Variants in SOX5 observed in about 807,000 individuals in gnomAD.
SOX5 encodes SRY-box transcription factor 5, also known as transcription factor SOX-5.
A neutral mutation model predicts 92.0 loss-of-function variants in SOX5; 9 were observed. That is an observed-to-expected ratio of 0.10 (90% CI 0.06 to 0.17). SOX5 has a LOEUF of 0.17. Ranked by LOEUF, SOX5 falls within the 10% of genes least tolerant of loss-of-function variation. The pLI, the probability that SOX5 is intolerant of heterozygous loss-of-function variation, is 1.00. For missense variants in SOX5, 642 were observed against 944.5 expected (o/e 0.68, Z 4.20); for synonymous variants, 344 against 336.3 (o/e 1.02, Z -0.25).
At chr12:23,628,269 A>C (rs900726219) in intron 8 of SOX5, among the ~76,000 whole-genome samples, 5 of 152,014 alleles carry the variant, frequency 3.3e-5, no homozygotes, top group Non-Finnish European at 5.9e-5. Context: ...AGCCATATGA[A>C]AAATACTTGG....
At chr12:23,905,972 A>G (rs1459682562) in intron 1 of SOX5, among the ~76,000 whole-genome samples, 1 of 152,192 alleles carries the variant, frequency 6.6e-6, no homozygotes, top group East Asian at 1.9e-4. Context: ...CTCTCTAATC[A>G]TCAAAGATTC....
intron 4 of SOX5, among the ~76,000 whole-genome samples, chr12:24,190,257 C>T (rs1017748660): frequency 1.3e-5 from 2 of 152,048 alleles, no homozygotes; most frequent in Admixed American, 6.6e-5. Context: ...AGAAAGAAGA[C>T]CCTGTGTCAT....
chr12:24,005,214 A>G (rs1398835834), intron 4 of SOX5, among the ~76,000 whole-genome samples: 3 of 152,144 alleles, frequency 2.0e-5, no homozygotes, highest in Non-Finnish European at 4.4e-5. Context: ...AATTGTATAC[A>G]TAAAATTGGT....
At position 23,660,302 on chromosome 12, in the gene SOX5, A is replaced by T. The variant is rs988891714; in HGVS notation, c.931+5142T>A. On this transcript the variant is annotated intron_variant, in intron 7 of 14. Transcript: ENST00000451604. ...AAGACAGGCACAATATTAGGCACCA[A>T]TTCTTAGATAATCTCGTTTGATCTT... is the stretch of plus-strand genomic sequence containing the variant. Among the ~76,000 whole-genome samples the T allele has an allele frequency of 1.5e-4, 23 of 152,132 alleles. 1 individual carries two copies. The highest frequency in any genetic ancestry group is 5.1e-4 in the African/African-American group (21 of 41,448).
intron 11 of SOX5, among the ~76,000 whole-genome samples, chr12:23,562,584 C>A (rs181030327): frequency 1.3e-4 from 20 of 152,184 alleles, no homozygotes; most frequent in South Asian, 4.2e-4. Context: ...TCAACTATTC[C>A]AACAGTACAT....
intron 3 of SOX5, among the ~76,000 whole-genome samples, chr12:24,263,265 C>T (rs1942449125): frequency 6.6e-6 from 1 of 151,308 alleles, no homozygotes; most frequent in Non-Finnish European, 1.5e-5. Flanking sequence ...TGGTGGCTCA[C>T]ACCTGTAATC....
intron 1 of SOX5, among the ~76,000 whole-genome samples, chr12:24,532,632 A>C (rs1180095945): frequency 6.6e-6 from 1 of 152,218 alleles, no homozygotes; most frequent in Non-Finnish European, 1.5e-5. Flanking sequence ...TTCACCAATA[A>C]TGTCTGGCAA....
At chr12:24,284,141 G>C (rs183637337) in intron 2 of SOX5, among the ~76,000 whole-genome samples, 1 of 152,194 alleles carries the variant, frequency 6.6e-6, no homozygotes, top group African/African-American at 2.4e-5. Flanking sequence ...TTATCTTTGG[G>C]GGATTCAGAA....
chr12:23,664,982 T>A (rs1274819877), intron 7 of SOX5, among the ~76,000 whole-genome samples: 1 of 152,128 alleles, frequency 6.6e-6, no homozygotes, highest in East Asian at 1.9e-4. Flanking sequence ...ATACTGATGA[T>A]GCGAGTCCAG....
At chr12:24,022,071 G>T (rs1013760094) in intron 4 of SOX5, among the ~76,000 whole-genome samples, 5 of 152,136 alleles carry the variant, frequency 3.3e-5, no homozygotes, top group Non-Finnish European at 5.9e-5. Context: ...CTATCTAATA[G>T]CAGACAACAT....
intron 2 of SOX5, among the ~76,000 whole-genome samples, chr12:24,349,482 T>C (rs1231057566): frequency 6.6e-6 from 1 of 152,160 alleles, no homozygotes; most frequent in Non-Finnish European, 1.5e-5. Flanking sequence ...GTCTCTATGA[T>C]TTTGACTGCT....
At chr12:24,399,631 T>C (rs1961019734) in intron 1 of SOX5, among the ~76,000 whole-genome samples, 2 of 152,116 alleles carry the variant, frequency 1.3e-5, no homozygotes, top group African/African-American at 4.8e-5. Context: ...AAAAAAACAA[T>C]TGTTGAGAAG....
rs542071499 is a variant in SOX5, at chr12:23,846,756, C to T, written c.271-563G>A. On this transcript the variant is annotated intron_variant, in intron 2 of 14. Transcript: ENST00000451604. ...CCTCTCCTTCTTTTAAGAAAGCATC[C>T]ATCACACAGGTTATTTGACATCAGA... Among the ~76,000 whole-genome samples, 6 of 152,236 alleles carry T rather than the reference C, an allele frequency of 3.9e-5. No homozygotes were observed. In the East Asian group the frequency reaches 9.6e-4, roughly 24 times the overall value.
At chr12:24,505,467 T>C (rs1054547100) in intron 1 of SOX5, among the ~76,000 whole-genome samples, 4 of 152,376 alleles carry the variant, frequency 2.6e-5, no homozygotes, top group Middle Eastern at 3.4e-3. Flanking sequence ...CAGTATGTGT[T>C]ATGCTTTTCA....
At chr12:24,515,838 G>A (rs935925905) in intron 1 of SOX5, among the ~76,000 whole-genome samples, 1 of 152,088 alleles carries the variant, frequency 6.6e-6, no homozygotes, top group South Asian at 2.1e-4. Flanking sequence ...AATTACAAGC[G>A]AGTTGTTTTG....
chr12:23,980,416 T>C (rs1322839423), intron 4 of SOX5, among the ~76,000 whole-genome samples: 1 of 152,122 alleles, frequency 6.6e-6, no homozygotes, highest in African/African-American at 2.4e-5. Flanking sequence ...TTCATATATA[T>C]ATAATTTTTG....
At chr12:24,353,077 C>T (rs575111438) in intron 2 of SOX5, among the ~76,000 whole-genome samples, 3 of 152,246 alleles carry the variant, frequency 2.0e-5, no homozygotes, top group South Asian at 2.1e-4. Context: ...CAGGTCATTA[C>T]GTTGTATGGA....
Position 23,667,969 on chromosome 12 carries a change from G to A in SOX5, c.811-2405C>T, listed in dbSNP as rs568298865. ...TTTGCCTATTGGCTGAAATTTACTC[G>A]TACCCAATTTTAATAATGCCACTTT... On this transcript the variant is annotated intron_variant, in intron 6 of 14. Coordinates refer to ENST00000451604, the MANE Select transcript of SOX5 (RefSeq NM_006940.6). Among the ~76,000 whole-genome samples, 319 of 152,230 alleles carry A rather than the reference G, an allele frequency of 2.1e-3. 1 individual carries two copies. The highest frequency in any genetic ancestry group is 6.7e-3 in the African/African-American group (280 of 41,546).
At chr12:23,950,793 C>A, upstream of SOX5, 1 of 1,364,174 alleles carries the variant, frequency 7.3e-7, no homozygotes, top group Admixed American at 2.0e-5. Flanking sequence ...ATCTGGCAGC[C>A]GAGAAAGGTA....
Sources: gnomAD v4.1 joint callset for allele counts (sites outside exome capture counted in the v4.1 genomes callset) on GRCh38, gnomAD v4.1.1 for gene constraint, MANE v1.5 for transcripts, NCBI Gene and HGNC (gene_info 2026-07-23, HGNC 2026-07-21) for gene names.